Variants in NEDD9 observed in about 807,000 individuals in gnomAD.
The protein encoded by NEDD9 is enhancer of filamentation 1.
A neutral mutation model predicts 76.6 loss-of-function variants in NEDD9; 26 were observed. The observed-to-expected ratio is 0.34, with a 90% CI of 0.25 to 0.47. NEDD9 has a LOEUF of 0.47. NEDD9 is among the 20% of genes least tolerant of loss of function. The pLI is 1.00. For synonymous variants in NEDD9, 392 were observed against 414.2 expected, an observed-to-expected ratio of 0.95 and a Z score of 0.65; for missense variants, 937 against 1,058.5, an observed-to-expected ratio of 0.89 and a Z score of 1.59.
At chr6:11,294,663 A>G (rs1490455093) in intron 3 of NEDD9, among the ~76,000 whole-genome samples, 1 of 152,204 alleles carries the variant, frequency 6.6e-6, no homozygotes, top group African/African-American at 2.4e-5. Flanking sequence ...GAACTAATAT[A>G]TCAGTTTACA....
At chr6:11,318,428 G>C (rs1487361320) in intron 2 of NEDD9, among the ~76,000 whole-genome samples, 1 of 152,168 alleles carries the variant, frequency 6.6e-6, no homozygotes, top group Non-Finnish European at 1.5e-5. Context: ...TTGCAAGTGT[G>C]GGGAGACGGC....
chr6:11,278,071 G>C (rs1168278073), intron 3 of NEDD9, among the ~76,000 whole-genome samples: 2 of 152,150 alleles, frequency 1.3e-5, no homozygotes, highest in Non-Finnish European at 2.9e-5. Flanking sequence ...CCTCTCTGCT[G>C]CCTCCCTGCT....
intron 1 of NEDD9, among the ~76,000 whole-genome samples, chr6:11,343,178 C>A (rs1762306329): frequency 6.6e-6 from 1 of 152,022 alleles, no homozygotes; most frequent in Admixed American, 6.6e-5. Flanking sequence ...GTCTGTAATC[C>A]CAGCACTTTG....
At chr6:11,273,342 G>A (rs1252610055) in intron 3 of NEDD9, among the ~76,000 whole-genome samples, 1 of 152,206 alleles carries the variant, frequency 6.6e-6, no homozygotes, top group Non-Finnish European at 1.5e-5. Flanking sequence ...TAGCACAGAG[G>A]TATCAGTTAC....
intron 1 of NEDD9, among the ~76,000 whole-genome samples, chr6:11,226,724 T>A (rs1759320333): frequency 6.6e-6 from 1 of 152,264 alleles, no homozygotes; most frequent in Non-Finnish European, 1.5e-5. Flanking sequence ...AACACTTTTA[T>A]CTATATAAAA....
At chr6:11,276,569 G>A (rs1270957752) in intron 3 of NEDD9, among the ~76,000 whole-genome samples, 3 of 152,148 alleles carry the variant, frequency 2.0e-5, no homozygotes, top group Non-Finnish European at 4.4e-5. Context: ...TCACGCTTTT[G>A]GCCCACCTGA....
chr6:11,323,807 A>G lies in NEDD9; in HGVS notation c.-153+10694T>C, dbSNP rs549261870. Among the ~76,000 whole-genome samples, 31 of 152,360 alleles carry G rather than the reference A, an allele frequency of 2.0e-4. No individual in the cohort carries two copies. In the South Asian group the frequency reaches 6.2e-3, roughly 31 times the overall value. On this transcript the variant is annotated intron_variant, in intron 2 of 3. Coordinates refer to the NEDD9 transcript ENST00000397378. ...TGCACAAGGTCCTGGCGTCCTGCTC[A>G]TTGGTGGATCACCATTAACCACCTT...
intron 3 of NEDD9, among the ~76,000 whole-genome samples, chr6:11,302,654 A>C (rs1761080081): frequency 6.6e-6 from 1 of 152,184 alleles, no homozygotes; most frequent in African/African-American, 2.4e-5. Flanking sequence ...GCACATCAAA[A>C]AGCTTATCCA....
At chr6:11,366,214 G>A (rs1187684612) in intron 1 of NEDD9, among the ~76,000 whole-genome samples, 1 of 151,148 alleles carries the variant, frequency 6.6e-6, no homozygotes, top group Non-Finnish European at 1.5e-5. Context: ...AACCTGGGAG[G>A]CAGAGGTTGC....
At chr6:11,268,443 A>G (rs1366181635) in intron 3 of NEDD9, among the ~76,000 whole-genome samples, 1 of 151,800 alleles carries the variant, frequency 6.6e-6, no homozygotes, top group Non-Finnish European at 1.5e-5. Context: ...TAAAGAATTT[A>G]CCAGCTGGGT....
chr6:11,291,193 G>C (rs1053660154), intron 3 of NEDD9, among the ~76,000 whole-genome samples: 2 of 151,806 alleles, frequency 1.3e-5, no homozygotes, highest in Non-Finnish European at 2.9e-5. Flanking sequence ...CACTATCCTC[G>C]TGAAGGTGCT....
chr6:11,297,918 T>TA (rs566566677), intron 3 of NEDD9, among the ~76,000 whole-genome samples: 3 of 150,982 alleles, frequency 2.0e-5, no homozygotes, highest in South Asian at 4.2e-4. Context: ...TTTCTTTTTT[T>TA]TTTTTTGGAG....
intron 3 of NEDD9, among the ~76,000 whole-genome samples, chr6:11,256,761 G>C (rs1581986265): frequency 6.6e-6 from 1 of 152,174 alleles, no homozygotes; most frequent in Non-Finnish European, 1.5e-5. Context: ...ACCCTGCCCG[G>C]TCGAATTCTG....
chr6:11,259,619 A>G (rs1451183209), intron 3 of NEDD9, among the ~76,000 whole-genome samples: 1 of 152,248 alleles, frequency 6.6e-6, no homozygotes, highest in East Asian at 1.9e-4. Context: ...AATTTGAAGC[A>G]AAAGAAAAAA....
chr6:11,238,026 T>C (rs536454192), intron 3 of NEDD9, among the ~76,000 whole-genome samples: 4 of 152,334 alleles, frequency 2.6e-5, no homozygotes, highest in Non-Finnish European at 5.9e-5. Context: ...ACTTTTCCAG[T>C]CTTTTACAAG....
intron 3 of NEDD9, 140 bp from the exon 4 acceptor site, chr6:11,192,586 G>T: frequency 2.0e-6 from 1 of 512,768 alleles, no homozygotes; most frequent in Non-Finnish European, 3.2e-6. Flanking sequence ...TGTTATAACA[G>T]ATTTATTGCC....
intron 1 of NEDD9, among the ~76,000 whole-genome samples, chr6:11,222,380 C>T (rs980572664): frequency 6.6e-6 from 1 of 152,200 alleles, no homozygotes; most frequent in Admixed American, 6.5e-5. Context: ...AAAACAGATT[C>T]ACACACTTGG....
chr6:11,297,132 G>GTTTTTTTTTTTTTTTTT (rs199939249), intron 3 of NEDD9, among the ~76,000 whole-genome samples: 1 of 129,300 alleles, frequency 7.7e-6, no homozygotes, highest in Non-Finnish European at 1.7e-5. Context: ...AATTTGTTTT[G>GTTTTTTTTTTTTTTTTT]TTTTTTTTTT....
At chr6:11,332,974 C>T (rs1019384398) in intron 2 of NEDD9, among the ~76,000 whole-genome samples, 6 of 150,866 alleles carry the variant, frequency 4.0e-5, no homozygotes, top group African/African-American at 1.5e-4. Flanking sequence ...CCACGGTTTC[C>T]CATAAGCCAA....
Sources: allele counts gnomAD v4.1 joint callset (sites outside exome capture counted in the v4.1 genomes callset), GRCh38; gene constraint gnomAD v4.1.1; transcripts MANE v1.5; gene names NCBI Gene and HGNC (gene_info 2026-07-23, HGNC 2026-07-21).